The following NXPH1 variants were observed in gnomAD, a reference collection of about 807,000 sequenced individuals.
NXPH1 encodes neurexophilin 1.
Under a neutral mutation model 23.7 loss-of-function variants are expected in NXPH1, and 5 were observed. The observed-to-expected ratio is 0.21, with a 90% CI of 0.11 to 0.44. The LOEUF is 0.44. Among genes scored for constraint, NXPH1 ranks in the 20% least tolerant of loss-of-function variants. The pLI, the probability that NXPH1 is intolerant of heterozygous loss-of-function variation, is 0.99. For missense variants in NXPH1, 324 were observed against 321.6 expected (o/e 1.01, Z -0.06); for synonymous variants, 144 against 122.2 (o/e 1.18, Z -1.18).
intron 2 of NXPH1, among the ~76,000 whole-genome samples, chr7:8,726,737 G>C (rs1780061706): frequency 6.7e-6 from 1 of 148,974 alleles, no homozygotes; most frequent in African/African-American, 2.5e-5. Context: ...GTCTATCGTT[G>C]TTGGACATTT....
At chr7:8,663,536 G>T (rs1299983919) in intron 2 of NXPH1, among the ~76,000 whole-genome samples, 1 of 152,046 alleles carries the variant, frequency 6.6e-6, no homozygotes, top group Non-Finnish European at 1.5e-5. Context: ...GCTAAAGCCG[G>T]CTTCTGTTCC....
At chr7:8,659,853 T>C (rs972554768) in intron 2 of NXPH1, among the ~76,000 whole-genome samples, 13 of 152,182 alleles carry the variant, frequency 8.5e-5, no homozygotes, top group Non-Finnish European at 1.6e-4. Flanking sequence ...CACCTGAGGG[T>C]GCACAGCACA....
intron 2 of NXPH1, among the ~76,000 whole-genome samples, chr7:8,574,174 G>A (rs777878310): frequency 6.6e-6 from 1 of 152,094 alleles, no homozygotes; most frequent in Non-Finnish European, 1.5e-5. Flanking sequence ...TTTTCCCTAA[G>A]TGTTCTGTTT....
At chr7:8,733,026 T>G (rs1232797696) in intron 2 of NXPH1, among the ~76,000 whole-genome samples, 2 of 152,068 alleles carry the variant, frequency 1.3e-5, no homozygotes, top group Non-Finnish European at 2.9e-5. Flanking sequence ...ATCCCTCCCC[T>G]AGCCCCCTAC....
intron 2 of NXPH1, among the ~76,000 whole-genome samples, chr7:8,537,460 G>C (rs1818045801): frequency 6.6e-6 from 1 of 151,926 alleles, no homozygotes; most frequent in South Asian, 2.1e-4. Flanking sequence ...ACAGCAAGGA[G>C]AAGTGCTGAG....
At chr7:8,558,325 C>T (rs572942985) in intron 2 of NXPH1, among the ~76,000 whole-genome samples, 17 of 151,398 alleles carry the variant, frequency 1.1e-4, no homozygotes, top group Non-Finnish European at 2.1e-4. Context: ...ATAATGGAAG[C>T]GAGTTGTAAT....
chr7:8,528,970 A>G (rs1474840417), intron 2 of NXPH1, among the ~76,000 whole-genome samples: 1 of 152,236 alleles, frequency 6.6e-6, no homozygotes, highest in Non-Finnish European at 1.5e-5. Flanking sequence ...AAGGTATCCC[A>G]TGTAGTTCCC....
intron 2 of NXPH1, among the ~76,000 whole-genome samples, chr7:8,589,150 CT>C (rs1358352785): frequency 6.6e-6 from 1 of 152,072 alleles, no homozygotes; most frequent in African/African-American, 2.4e-5. Context: ...TATTTTTCCT[CT>C]GCTCTGGGCT....
chr7:8,534,201 T>C (rs977292140), intron 2 of NXPH1, among the ~76,000 whole-genome samples: 2 of 152,060 alleles, frequency 1.3e-5, no homozygotes, highest in Non-Finnish European at 2.9e-5. Flanking sequence ...TAGAGGTCGC[T>C]CTGAGCAGAT....
At chr7:8,558,518 T>C (rs1445240446) in intron 2 of NXPH1, among the ~76,000 whole-genome samples, 3 of 151,690 alleles carry the variant, frequency 2.0e-5, no homozygotes, top group Non-Finnish European at 4.4e-5. Flanking sequence ...TAAAATGATA[T>C]CTATTAACAA....
At chr7:8,437,218 C>T (rs1816212266) in intron 2 of NXPH1, among the ~76,000 whole-genome samples, 1 of 152,154 alleles carries the variant, frequency 6.6e-6, no homozygotes. Flanking sequence ...GGAACGCAGG[C>T]GGAATGCAAA....
intron 2 of NXPH1, among the ~76,000 whole-genome samples, chr7:8,599,622 C>T (rs1166849452): frequency 6.6e-6 from 1 of 152,094 alleles, no homozygotes; most frequent in Non-Finnish European, 1.5e-5. Flanking sequence ...TCCTTCATTT[C>T]TTACCTGCCT....
intron 2 of NXPH1, among the ~76,000 whole-genome samples, chr7:8,595,924 A>G (rs1296510463): frequency 6.6e-6 from 1 of 152,046 alleles, no homozygotes. Context: ...CAGATAAATA[A>G]TAGGTTAAGT....
chr7:8,658,226 T>C (rs114287866), intron 2 of NXPH1, among the ~76,000 whole-genome samples: 1,583 of 152,340 alleles, frequency 0.01, 27 homozygotes, highest in African/African-American at 0.034. Context: ...TTAACACTTA[T>C]ATATTAATAC....
At chr7:8,469,299 C>A (rs970131904) in intron 2 of NXPH1, among the ~76,000 whole-genome samples, 1 of 151,862 alleles carries the variant, frequency 6.6e-6, no homozygotes. Context: ...TCTATAGTGA[C>A]CCATGGACTT....
chr7:8,655,485 A>G (rs1309622343), intron 2 of NXPH1, among the ~76,000 whole-genome samples: 5 of 85,988 alleles, frequency 5.8e-5, no homozygotes, highest in African/African-American at 7.5e-5. Context: ...CACACACATC[A>G]GATATGTCCA....
At chr7:8,462,535 A>T (rs552007489) in intron 2 of NXPH1, among the ~76,000 whole-genome samples, 10 of 152,332 alleles carry the variant, frequency 6.6e-5, no homozygotes, top group African/African-American at 2.4e-4. Flanking sequence ...CACTCAGCTA[A>T]TGATGACAGA....
chr7:8,621,275 C>T (rs1819863385), intron 2 of NXPH1, among the ~76,000 whole-genome samples: 2 of 152,108 alleles, frequency 1.3e-5, no homozygotes, highest in South Asian at 4.1e-4. Context: ...AGGAAGAAGT[C>T]TGTCCAGGAG....
chr7:8,749,873 G>A (rs776443882), intron 2 of NXPH1, among the ~76,000 whole-genome samples: 1 of 152,124 alleles, frequency 6.6e-6, no homozygotes, highest in Non-Finnish European at 1.5e-5. Context: ...TCCATGTCAG[G>A]ATAAGAAGTT....
Sources: gnomAD v4.1 joint callset for allele counts (sites outside exome capture counted in the v4.1 genomes callset) on GRCh38, gnomAD v4.1.1 for gene constraint, MANE v1.5 for transcripts, NCBI Gene and HGNC (gene_info 2026-07-23, HGNC 2026-07-21) for gene names.